Variants in DLG1 observed in about 807,000 individuals in gnomAD.
DLG1 encodes the protein disks large homolog 1.
DLG1 carries 42 observed loss-of-function variants against 123.4 expected under a neutral mutation model. The ratio of observed to expected loss-of-function variants is 0.34; its 90% CI spans 0.27 to 0.44. The LOEUF is 0.44. Ranked by LOEUF, DLG1 falls within the 20% of genes least tolerant of loss-of-function variation. The pLI is 1.00. For synonymous variants in DLG1, 317 were observed against 356.2 expected (o/e 0.89, Z 1.24); for missense variants, 942 against 1,082.6 (o/e 0.87, Z 1.82).
At chr3:197,230,895 TAAG>T (rs1203346097) in intron 4 of DLG1, among the ~76,000 whole-genome samples, 1 of 152,230 alleles carries the variant, frequency 6.6e-6, no homozygotes, top group Non-Finnish European at 1.5e-5. Flanking sequence ...TAGTATCTGC[TAAG>T]AAATGACATT....
intron 13 of DLG1, 140 bp from the exon 14 acceptor site, chr3:197,105,145 A>G (rs560954633): frequency 4.3e-4 from 234 of 543,954 alleles, no homozygotes; most frequent in African/African-American, 4.1e-3. Flanking sequence ...GTTCTGATTG[A>G]CTAAAAATAT....
At chr3:197,151,733 C>T (rs1793954848) in intron 5 of DLG1, among the ~76,000 whole-genome samples, 1 of 152,168 alleles carries the variant, frequency 6.6e-6, no homozygotes, top group African/African-American at 2.4e-5. Flanking sequence ...TACTCTGGGT[C>T]AGGGTTGCTA....
rs1276065069 is a variant in DLG1, at chr3:197,271,748, A to G, written c.318+10931T>C. ...GATGTGGTAATGGTACTAAGATAAC[A>G]CAGAAGAATATCTAACTATTCTTAC... On this transcript the variant is annotated intron_variant, in intron 4 of 24. Coordinates refer to ENST00000667157, the MANE Select transcript of DLG1 (RefSeq NM_001366207.1). 2.6e-5 allele frequency among the ~76,000 whole-genome samples: 4 copies of G among 152,208 alleles called. 1 individual carries two copies. Among genetic ancestry groups the G allele is most frequent in the African/African-American group, 9.6e-5 (4 of 41,458 alleles).
chr3:197,193,260 C>T (rs1360459541), intron 5 of DLG1, among the ~76,000 whole-genome samples: 3 of 151,818 alleles, frequency 2.0e-5, no homozygotes, highest in South Asian at 4.2e-4. Context: ...GATAAGGAAA[C>T]CTAAAGGACC....
intron 3 of DLG1, among the ~76,000 whole-genome samples, chr3:197,287,956 T>C (rs1314869420): frequency 6.6e-6 from 1 of 152,190 alleles, no homozygotes; most frequent in Admixed American, 6.5e-5. Context: ...TTCTAGGAGT[T>C]TGTCCTAAGA....
At chr3:197,050,247 G>A (rs1052348496) in intron 24 of DLG1, among the ~76,000 whole-genome samples, 2 of 151,620 alleles carry the variant, frequency 1.3e-5, no homozygotes, top group Non-Finnish European at 2.9e-5. Flanking sequence ...GCTGCCTGTA[G>A]TCCCAGCTAC....
intron 5 of DLG1, among the ~76,000 whole-genome samples, chr3:197,175,846 A>C (rs1806736720): frequency 1.3e-5 from 2 of 152,158 alleles, no homozygotes; most frequent in Non-Finnish European, 2.9e-5. Flanking sequence ...AACAAACATT[A>C]CTTGAAAATA....
chr3:197,067,200 T>A (rs1560439938), intron 19 of DLG1, among the ~76,000 whole-genome samples: 1 of 152,026 alleles, frequency 6.6e-6, no homozygotes, highest in Non-Finnish European at 1.5e-5. Flanking sequence ...GTATATTTTA[T>A]TTTTAAAATA....
intron 10 of DLG1, among the ~76,000 whole-genome samples, chr3:197,131,584 C>CTTTTTTTTTTTTTTTTT (rs773487577): frequency 1.5e-5 from 1 of 65,736 alleles, no homozygotes; most frequent in African/African-American, 5.2e-5. Context: ...TTCTTCCTTT[C>CTTTTTTTTTTTTTTTTT]TTTTTTTTTT....
intron 5 of DLG1, among the ~76,000 whole-genome samples, chr3:197,154,979 T>G (rs1219604505): frequency 6.6e-6 from 1 of 151,776 alleles, no homozygotes; most frequent in Non-Finnish European, 1.5e-5. Flanking sequence ...ATTGTGGGAG[T>G]TGCATGAGAA....
intron 14 of DLG1, among the ~76,000 whole-genome samples, chr3:197,096,808 C>G (rs1181240202): frequency 6.6e-6 from 1 of 152,158 alleles, no homozygotes; most frequent in African/African-American, 2.4e-5. Flanking sequence ...AACTATATGT[C>G]TTTCTGGTAC....
At chr3:197,264,881 G>A (rs1415905189) in intron 4 of DLG1, among the ~76,000 whole-genome samples, 1 of 152,200 alleles carries the variant, frequency 6.6e-6, no homozygotes, top group Non-Finnish European at 1.5e-5. Context: ...CACAGAAGAG[G>A]AAGCCACTTT....
chr3:197,297,464 T>C, intron 1 of DLG1: 2 of 1,344,606 alleles, frequency 1.5e-6, no homozygotes, highest in Non-Finnish European at 1.9e-6. Flanking sequence ...GCTTCCAAAC[T>C]CTCCTCGAAA....
intron 13 of DLG1, among the ~76,000 whole-genome samples, chr3:197,115,662 T>C (rs539636399): frequency 1.3e-3 from 204 of 152,290 alleles, no homozygotes; most frequent in African/African-American, 4.3e-3. Context: ...CTTGAGTTAA[T>C]AGACACATAG....
chr3:197,163,071 C>T (rs1799471036), intron 5 of DLG1, among the ~76,000 whole-genome samples: 1 of 152,174 alleles, frequency 6.6e-6, no homozygotes, highest in Admixed American at 6.5e-5. Context: ...AGAAGGTATA[C>T]AAGTGGCCAA....
rs3214530 is a variant in DLG1, at chr3:197,065,485, TA to T, written c.2201-38del. 4,056 of 1,360,086 alleles carry T rather than the reference TA, an allele frequency of 3.0e-3. 49 individuals carry two copies. The East Asian group carries it at 0.054, about 18-fold the overall frequency. 84.3% of individuals were successfully genotyped at this position (1,360,086 alleles called of 1,614,324 possible). A position where few individuals can be genotyped will look rare whatever the true frequency, so the allele number is the denominator to read the frequency against. ...AAAAACTTGGGAAAGTGTTTAATAT[TA>T]AAAAAAAAACCACAATAAATCCATT... On this transcript the variant is annotated intron_variant, in intron 21 of 24. Transcript: ENST00000667157.
In DLG1 at chr3:197,043,696, A is replaced by G. The variant is rs1418693949; in HGVS notation, c.*927T>C. 2 of 151,722 alleles carry G rather than the reference A, an allele frequency of 1.3e-5. No homozygotes were observed. The highest frequency in any genetic ancestry group is 2.9e-5 in the Non-Finnish European group (2 of 67,916). 9.4% of individuals were successfully genotyped at this position (151,722 alleles called of 1,614,324 possible). ...TTTTATTATAACAAAATAGGCAGCT[A>G]TTGTGGGTAAAATATTCAGTAAAAT... On this transcript the variant is annotated 3_prime_UTR_variant, in exon 25 of 25. Transcript: ENST00000667157.
At chr3:197,050,182 A>G (rs779850419) in intron 24 of DLG1, among the ~76,000 whole-genome samples, 3 of 152,118 alleles carry the variant, frequency 2.0e-5, no homozygotes, top group Admixed American at 1.3e-4. Context: ...CCTGGCTAAC[A>G]TGGTGAAACC....
At chr3:197,183,211 A>G (rs9861658) in intron 5 of DLG1, among the ~76,000 whole-genome samples, 23,292 of 152,176 alleles carry the variant, frequency 0.15, 1,914 homozygotes, top group African/African-American at 0.2. Context: ...AATAACATAC[A>G]AAAACTAAAC....
Sources: gnomAD v4.1 joint callset for allele counts (sites outside exome capture counted in the v4.1 genomes callset) on GRCh38, gnomAD v4.1.1 for gene constraint, MANE v1.5 for transcripts, NCBI Gene and HGNC (gene_info 2026-07-23, HGNC 2026-07-21) for gene names.